The following KIF18A variants were observed in gnomAD, a reference collection of about 807,000 sequenced individuals.
KIF18A encodes the protein kinesin family member 18A.
KIF18A carries 67 observed loss-of-function variants against 103.3 expected under a neutral mutation model. The ratio of observed to expected loss-of-function variants is 0.65; its 90% confidence interval spans 0.53 to 0.79. The LOEUF is 0.79. KIF18A is among the 30% of genes least tolerant of loss of function. KIF18A has a pLI of 0.00. For missense variants in KIF18A, 1,032 were observed against 1,062.5 expected (o/e 0.97, Z 0.40); for synonymous variants, 367 against 355.5 (o/e 1.03, Z -0.36).
intron 16 of KIF18A, among the ~76,000 whole-genome samples, chr11:28,022,327 C>T (rs984922442): frequency 7.3e-5 from 11 of 150,954 alleles, no homozygotes; most frequent in African/African-American, 2.2e-4. Flanking sequence ...TGCAGTGGTG[C>T]GATCTCGGCT....
intron 5 of KIF18A, among the ~76,000 whole-genome samples, chr11:28,090,014 C>A (rs1251850812): frequency 6.6e-6 from 1 of 152,132 alleles, no homozygotes; most frequent in Admixed American, 6.6e-5. Flanking sequence ...CCTTCAATAT[C>A]AATTCTTTCA....
intron 12 of KIF18A, among the ~76,000 whole-genome samples, chr11:28,059,885 AACAC>A (rs138080329): frequency 1.3e-5 from 2 of 151,548 alleles, no homozygotes; most frequent in African/African-American, 2.4e-5. Flanking sequence ...ACAACATTAA[AACAC>A]ACACACACAC....
chr11:28,084,828 A>G lies in KIF18A; in HGVS notation c.898-20T>C. ...CTTTCTCTGAAAGCACAAAAAAGAG[A>G]TCTTATGTCATTTTCCACATTTAAA... On this transcript the variant is annotated intron_variant, in intron 6 of 16. Coordinates refer to ENST00000263181, the MANE Select transcript of KIF18A (RefSeq NM_031217.4). 1 of 1,588,772 alleles carries G rather than the reference A, an allele frequency of 6.3e-7. No individual in the cohort carries two copies. Among genetic ancestry groups the G allele is most frequent in the Non-Finnish European group, 8.6e-7 (1 of 1,161,372 alleles).
intron 13 of KIF18A, among the ~76,000 whole-genome samples, chr11:28,037,062 T>C (rs1469721874): frequency 6.6e-6 from 1 of 151,588 alleles, no homozygotes; most frequent in Non-Finnish European, 1.5e-5. Context: ...ACTTGTTCCA[T>C]TGTAAAATAT....
At chr11:28,081,967 G>A (rs1335834630) in intron 9 of KIF18A, among the ~76,000 whole-genome samples, 1 of 152,070 alleles carries the variant, frequency 6.6e-6, no homozygotes, top group African/African-American at 2.4e-5. Flanking sequence ...CAAGATTTCA[G>A]TGAAGAAACT....
intron 13 of KIF18A, among the ~76,000 whole-genome samples, chr11:28,036,942 G>A (rs1173117623): frequency 1.3e-5 from 2 of 151,344 alleles, no homozygotes; most frequent in African/African-American, 4.8e-5. Flanking sequence ...TGGGTAATTA[G>A]GAAACAAATT....
At chr11:28,072,104 G>C (rs534693771) in intron 10 of KIF18A, among the ~76,000 whole-genome samples, 1 of 152,008 alleles carries the variant, frequency 6.6e-6, no homozygotes, top group Non-Finnish European at 1.5e-5. Context: ...GTAAGTGTTT[G>C]GGAATACATT....
intron 11 of KIF18A, among the ~76,000 whole-genome samples, chr11:28,064,068 T>C (rs1405574548): frequency 6.6e-6 from 1 of 151,292 alleles, no homozygotes; most frequent in Non-Finnish European, 1.5e-5. Flanking sequence ...AGGAGTTATT[T>C]ATATATATTA....
At chr11:28,080,524 T>C (rs1006303649) in intron 9 of KIF18A, among the ~76,000 whole-genome samples, 14 of 152,100 alleles carry the variant, frequency 9.2e-5, no homozygotes, top group African/African-American at 3.4e-4. Flanking sequence ...TGACCAATGA[T>C]CTTTGATGTT....
chr11:28,067,326 T>C (rs1850945648), intron 11 of KIF18A, among the ~76,000 whole-genome samples: 1 of 152,154 alleles, frequency 6.6e-6, no homozygotes, highest in African/African-American at 2.4e-5. Context: ...GATTAAATTG[T>C]TGGCTCAATA....
At chr11:28,066,408 G>A (rs1012060845) in intron 11 of KIF18A, among the ~76,000 whole-genome samples, 14 of 151,908 alleles carry the variant, frequency 9.2e-5, no homozygotes, top group African/African-American at 3.1e-4. Flanking sequence ...GATAGAGCCT[G>A]TTGCATTCTA....
In KIF18A at chr11:28,058,911, G is replaced by T; in HGVS notation, c.1948+15C>A. The T allele has an allele frequency of 1.3e-6, 2 of 1,597,788 alleles. No homozygotes were observed. The highest frequency in any genetic ancestry group is 1.7e-6 in the Non-Finnish European group (2 of 1,166,570). On this transcript the variant is annotated intron_variant, in intron 13 of 16. Coordinates refer to ENST00000263181, the MANE Select transcript of KIF18A (RefSeq NM_031217.4). The stretch of plus-strand genomic sequence containing the variant: ...AATAATGTTACTATTTACTTAAAAC[G>T]AAAGTTATACTTACAACAAGGAATA...
chr11:28,036,317 A>G lies in KIF18A; in HGVS notation c.2296T>C (p.Leu766=), dbSNP rs1285360138. 6 of 1,610,548 alleles carry G rather than the reference A, an allele frequency of 3.7e-6. No individual in the cohort carries two copies. The highest frequency in any genetic ancestry group is 5.1e-6 in the Non-Finnish European group (6 of 1,177,750). Reference sequence around the variant, plus strand: ...TCACATATAGTAAATGTAGAGTCCAAGTCCTCCTGTCCACATTCTTTTCTT... The same window carrying G: ...TCACATATAGTAAATGTAGAGTCCAGGTCCTCCTGTCCACATTCTTTTCTT... ...NRRKECGQED[L]DSTFTICEDI... is the part of the protein sequence containing the mutation. The change falls in exon 14 of 17, where the codon TTG becomes CTG. Residue 766 remains leucine (L), a synonymous_variant. Transcript: ENST00000263181.
chr11:28,045,856 A>C (rs1324851418), intron 13 of KIF18A, among the ~76,000 whole-genome samples: 5 of 152,024 alleles, frequency 3.3e-5, no homozygotes, highest in African/African-American at 1.2e-4. Context: ...TACAAGAAAA[A>C]AACAACCCCA....
intron 1 of KIF18A, among the ~76,000 whole-genome samples, chr11:28,104,479 T>C (rs1216612500): frequency 1.3e-5 from 2 of 152,162 alleles, no homozygotes. Flanking sequence ...CCTCCAGATA[T>C]TTGCAAATTG....
At chr11:28,095,020 C>T (rs1452943200) in intron 2 of KIF18A, among the ~76,000 whole-genome samples, 1 of 152,160 alleles carries the variant, frequency 6.6e-6, no homozygotes, top group African/African-American at 2.4e-5. Context: ...ACCCCCGGCC[C>T]CCCACTCTAA....
At chr11:28,052,430 A>C (rs1173988624) in intron 13 of KIF18A, among the ~76,000 whole-genome samples, 1 of 151,754 alleles carries the variant, frequency 6.6e-6, no homozygotes, top group African/African-American at 2.4e-5. Flanking sequence ...ATATATCCTC[A>C]CCAGCCTTTG....
chr11:28,095,870 A>G (rs1490192315), intron 2 of KIF18A, among the ~76,000 whole-genome samples: 1 of 151,834 alleles, frequency 6.6e-6, no homozygotes, highest in Non-Finnish European at 1.5e-5. Flanking sequence ...AAATTAGCTG[A>G]GGGCAGTGGC....
chr11:28,057,137 A>G (rs1850791105), intron 13 of KIF18A, among the ~76,000 whole-genome samples: 1 of 152,096 alleles, frequency 6.6e-6, no homozygotes, highest in South Asian at 2.1e-4. Context: ...ACAAATAAAC[A>G]AAAATTTCCA....
Sources: gnomAD v4.1 joint callset for allele counts (sites outside exome capture counted in the v4.1 genomes callset) on GRCh38, gnomAD v4.1.1 for gene constraint, MANE v1.5 for transcripts, NCBI Gene and HGNC (gene_info 2026-07-23, HGNC 2026-07-21) for gene names.